ATXN7L3: variants seen among roughly 807,000 people sequenced by gnomAD.
ATXN7L3 encodes ataxin-7-like protein 3.
In ATXN7L3, 6 loss-of-function variants were observed where a neutral mutation model predicts 50.0. That is an observed-to-expected ratio of 0.12 (90% CI 0.07 to 0.24). The LOEUF (loss-of-function observed/expected upper bound fraction) is 0.24, where lower values mean the gene tolerates loss of function less well. ATXN7L3 is among the 10% of genes least tolerant of loss of function. The pLI, the probability that ATXN7L3 is intolerant of heterozygous loss-of-function variation, is 1.00. For missense variants in ATXN7L3, 322 were observed against 451.3 expected (o/e 0.71, Z 2.60); for synonymous variants, 198 against 165.8 (o/e 1.19, Z -1.49).
chr17:44,194,424 A>T lies in ATXN7L3; in HGVS notation c.896-13T>A. On this transcript the variant is annotated splice_polypyrimidine_tract_variant and intron_variant, in intron 12 of 12. Transcript: ENST00000587097. ...GAGCTGTTGGTACCTGTAGAGAAAGAGACACAAGGGATGAGAGTATGGTTA... is the reference window on the plus strand; with the variant it reads ...GAGCTGTTGGTACCTGTAGAGAAAGTGACACAAGGGATGAGAGTATGGTTA... 1.2e-6 allele frequency: 2 copies of T among 1,613,960 alleles called. No homozygotes were observed. Among genetic ancestry groups the T allele is most frequent in the African/African-American group, 2.7e-5 (2 of 74,982 alleles).
At chr17:44,195,528 G>A (rs377733193) in intron 8 of ATXN7L3, 41 bp from the exon 9 acceptor site, 265 of 1,570,640 alleles carry the variant, frequency 1.7e-4, no homozygotes, top group Non-Finnish European at 2.2e-4. Flanking sequence ...ATGGGGCAGA[G>A]AAAAGAGAAG....
At chr17:44,197,759 C>T (rs2055966559) in intron 2 of ATXN7L3, 29 bp from the exon 3 acceptor site, 15 of 1,613,980 alleles carry the variant, frequency 9.3e-6, no homozygotes, top group Non-Finnish European at 1.2e-5. Flanking sequence ...CATCTACGGT[C>T]ACAAGAGTCA....
rs1322511948 is a variant in ATXN7L3, at chr17:44,192,626, A to G, written c.*1637T>C. 6.6e-6 allele frequency: 1 copy of G among 152,206 alleles called. No homozygotes were observed. Among genetic ancestry groups the G allele is most frequent in the African/African-American group, 2.4e-5 (1 of 41,454 alleles). 9.4% of individuals were successfully genotyped at this position (152,206 alleles called of 1,614,324 possible). On this transcript the variant is annotated 3_prime_UTR_variant, in exon 13 of 13. Coordinates refer to ENST00000587097, the MANE Select transcript of ATXN7L3 (RefSeq NM_001382309.1). ...AAGCCCAGGCCCCGGGATTTATTCT[A>G]ACTCCTGCCAAAATCTGTTTGGCTT... is the stretch of plus-strand genomic sequence containing the variant.
rs774790176 is a variant in ATXN7L3, at chr17:44,194,408, G to A, written c.899C>T (p.Thr300Ile). The A allele has an allele frequency of 1.9e-6, 3 of 1,614,102 alleles. No homozygotes were observed. Among genetic ancestry groups the A allele is most frequent in the Non-Finnish European group, 2.5e-6 (3 of 1,180,014 alleles). The change falls in exon 13 of 13, where the codon ACC becomes ATC. Residue 300 changes from threonine to isoleucine, a missense_variant. By Grantham distance (89) the Thr-to-Ile change is moderately conservative. This residue lies in a region of ATXN7L3 where 122 missense variants were observed against 130.8 expected (regional missense o/e 0.93). Coordinates refer to ENST00000587097, the MANE Select transcript of ATXN7L3 (RefSeq NM_001382309.1). Reference sequence around the variant, plus strand: ...GGTTTTCCGTGACTCAGAGCTGTTGGTACCTGTAGAGAAAGAGACACAAGG... The same window carrying A: ...GGTTTTCCGTGACTCAGAGCTGTTGATACCTGTAGAGAAAGAGACACAAGG... ...TSENQGWGLG[T>I]NSSESRKTKK...
intron 2 of ATXN7L3, 133 bp from the exon 3 acceptor site, chr17:44,197,863 G>A (rs2055973191): frequency 6.5e-7 from 1 of 1,529,258 alleles, no homozygotes; most frequent in Admixed American, 1.8e-5. Flanking sequence ...TTGACTTCGT[G>A]TTCTTTCTTC....
intron 2 of ATXN7L3, 88 bp downstream of exon 2, chr17:44,197,927 ACTACC>A: frequency 6.5e-7 from 1 of 1,538,208 alleles, no homozygotes; most frequent in Non-Finnish European, 9.0e-7. Flanking sequence ...AACAAGGCTG[ACTACC>A]CAAATTCCTC....
chr17:44,197,512 C>T, intron 3 of ATXN7L3, 86 bp downstream of exon 3: 1 of 1,597,036 alleles, frequency 6.3e-7, no homozygotes, highest in Non-Finnish European at 8.5e-7. Flanking sequence ...GCTCCAGGTG[C>T]TACATCTAGC....
In ATXN7L3 at chr17:44,198,124, A is replaced by T; in HGVS notation, c.-54T>A. 6.3e-7 allele frequency: 1 copy of T among 1,575,102 alleles called. No homozygotes were observed. The highest frequency in any genetic ancestry group is 1.1e-5 in the South Asian group (1 of 89,986). On this transcript the variant is annotated 5_prime_UTR_variant, in exon 2 of 13. Transcript: ENST00000587097. The stretch of plus-strand genomic sequence containing the variant: ...GACTGCTCATAGCACAGCGGGCGGC[A>T]ACACGGCTGCACACACGGGGGTGGG...
At chr17:44,195,161 G>A in intron 9 of ATXN7L3, 21 bp from the exon 10 acceptor site, 1 of 1,612,086 alleles carries the variant, frequency 6.2e-7, no homozygotes, top group East Asian at 2.2e-5. Context: ...AATATAAGCT[G>A]AAAGGAGGGA....
chr17:44,194,769 C>T lies in ATXN7L3; in HGVS notation c.736G>A (p.Ala246Thr), dbSNP rs753356109. The T allele has an allele frequency of 2.5e-6, 4 of 1,614,022 alleles. No individual in the cohort carries two copies. The African/African-American group carries it at 4.0e-5, about 16-fold the overall frequency. Residue 246 changes from alanine (A) to threonine (T), a missense_variant and splice_region_variant, in exon 11 of 13, where the codon GCT becomes ACT. By Grantham distance (58) the Ala-to-Thr change is moderately conservative. Transcript: ENST00000587097. ...TVRIYFLGPS[A>T]VLPEVESSLD... ...CACCCTTCCTGTAGGGCCACTTACG[C>T]CGAGGGCCCGAGAAAATAAATCCGT...
Position 44,194,782 on chromosome 17 carries a change from A to G in ATXN7L3, c.723T>C (p.Phe241=), listed in dbSNP as rs2055822937. 3.1e-6 allele frequency: 5 copies of G among 1,614,052 alleles called. No individual in the cohort carries two copies. The highest frequency in any genetic ancestry group is 1.6e-4 in the Middle Eastern group (1 of 6,084). ...DEQRRTVRIY[F]LGPSAVLPEV... The stretch of plus-strand genomic sequence containing the variant: ...GGGCCACTTACGCCGAGGGCCCGAG[A>G]AAATAAATCCGTACGGTTCGCCTCT... Residue 241 remains phenylalanine, a synonymous_variant, in exon 11 of 13, where the codon TTT becomes TTC. Coordinates refer to ENST00000587097, the MANE Select transcript of ATXN7L3 (RefSeq NM_001382309.1).
Position 44,194,091 on chromosome 17 carries a change from C to T in ATXN7L3, c.*172G>A, listed in dbSNP as rs1259300263. 2.5e-6 allele frequency: 2 copies of T among 794,502 alleles called. No homozygotes were observed. The highest frequency in any genetic ancestry group is 4.0e-6 in the Non-Finnish European group (2 of 498,988). The allele number at this position is 794,502 out of a possible 1,614,324, so 49.2% of individuals were successfully genotyped here. ...CACGCCGAGGAGTCGTGCTCCATTG[C>T]AGAGGACTTTGACACCCCCCAGGGG... On this transcript the variant is annotated 3_prime_UTR_variant, in exon 13 of 13. Transcript: ENST00000587097.
intron 5 of ATXN7L3, 87 bp from the exon 6 acceptor site, chr17:44,196,505 C>G: frequency 6.4e-7 from 1 of 1,555,794 alleles, no homozygotes; most frequent in Non-Finnish European, 8.8e-7. Context: ...ACAGGCTGGG[C>G]ACGGTGGCTC....
rs1017605612 is a variant in ATXN7L3, at chr17:44,192,070, C to CA, written c.*2192dup. On this transcript the variant is annotated 3_prime_UTR_variant, in exon 13 of 13. Coordinates refer to ENST00000587097, the MANE Select transcript of ATXN7L3 (RefSeq NM_001382309.1). ...CATGGAAATTAGTACAGAACCCCCC[C>CA]ACACACACTCAGACACAGGATACAG... The CA allele has an allele frequency of 4.6e-5, 7 of 152,518 alleles. No individual in the cohort carries two copies. The highest frequency in any genetic ancestry group is 1.7e-4 in the African/African-American group (7 of 41,374). The allele number at this position is 152,518 out of a possible 1,614,324, so 9.4% of individuals were successfully genotyped here.
rs769300486 is a variant in ATXN7L3, at chr17:44,195,123, A to G, written c.639T>C (p.Ser213=). The change falls in exon 10 of 13, where the codon TCT becomes TCC. Residue 213 remains serine, a synonymous_variant. Transcript: ENST00000587097. ...TTGTGCACATCTTCTTGGTGTGTTCAGAAATCACCCCACATTGCTGGAAGA... is the reference window on the plus strand; with the variant it reads ...TTGTGCACATCTTCTTGGTGTGTTCGGAAATCACCCCACATTGCTGGAAGA... ...SLLTTQCGVI[S]EHTKKMCTRS... is the part of the protein sequence containing the mutation. 37 of 1,614,084 alleles carry G rather than the reference A, an allele frequency of 2.3e-5. 1 individual carries two copies. The South Asian group carries it at 4.0e-4, about 17-fold the overall frequency.
In ATXN7L3 at chr17:44,194,407, G is replaced by A. The variant is rs1388491821; in HGVS notation, c.900C>T (p.Thr300=). The change falls in exon 13 of 13, where the codon ACC becomes ACT. Residue 300 remains threonine (T), a synonymous_variant. Transcript: ENST00000587097. ...TGGTTTTCCGTGACTCAGAGCTGTT[G>A]GTACCTGTAGAGAAAGAGACACAAG... is the stretch of plus-strand genomic sequence containing the variant. ...TSENQGWGLG[T]NSSESRKTKK... The A allele has an allele frequency of 1.9e-6, 3 of 1,614,084 alleles. No individual in the cohort carries two copies. The highest frequency in any genetic ancestry group is 1.1e-5 in the South Asian group (1 of 91,074).
chr17:44,194,125 C>T lies in ATXN7L3; in HGVS notation c.*138G>A, dbSNP rs148736662. On this transcript the variant is annotated 3_prime_UTR_variant, in exon 13 of 13. Transcript: ENST00000587097. ...TTGACACCCCCCAGGGGCGCATAAT[C>T]GGATCCTCTGCCTGCCTGGCCCACC... 4.7e-5 allele frequency: 56 copies of T among 1,202,036 alleles called. No homozygotes were observed. Among genetic ancestry groups the T allele is most frequent in the Non-Finnish European group, 5.9e-5 (51 of 858,384 alleles). The allele number at this position is 1,202,036 out of a possible 1,614,324, so 74.5% of individuals were successfully genotyped here.
intron 4 of ATXN7L3, 56 bp downstream of exon 4, chr17:44,197,172 C>T (rs1046412166): frequency 1.8e-5 from 28 of 1,569,952 alleles, no homozygotes; most frequent in East Asian, 1.1e-4. Context: ...CCAATGCCCC[C>T]GGGGGACTAC....
intron 1 of ATXN7L3, chr17:44,198,981 G>A (rs1212868918): frequency 6.6e-6 from 1 of 152,644 alleles, no homozygotes; most frequent in Non-Finnish European, 1.5e-5. Context: ...GGGGACTGAC[G>A]AATGAGCCGG....
Sources: allele counts gnomAD v4.1 joint callset, GRCh38; gene constraint gnomAD v4.1.1; regional missense constraint gnomAD v4.1.1; transcripts MANE v1.5; gene names NCBI Gene and HGNC (gene_info 2026-07-23, HGNC 2026-07-21).